The following ZDHHC14 variants were observed in gnomAD, a reference collection of about 807,000 sequenced individuals.
ZDHHC14 encodes zDHHC palmitoyltransferase 14.
A neutral mutation model predicts 47.7 loss-of-function variants in ZDHHC14; 16 were observed. The ratio of observed to expected loss-of-function variants is 0.34; its 90% CI spans 0.23 to 0.51. The LOEUF (loss-of-function observed/expected upper bound fraction) is 0.51. ZDHHC14 is among the 20% of genes least tolerant of loss of function. The pLI, the probability that ZDHHC14 is intolerant of heterozygous loss-of-function variation, is 0.97. For missense variants in ZDHHC14, 515 were observed against 662.5 expected, an observed-to-expected ratio of 0.78 and a Z score of 2.44; for synonymous variants, 293 against 278.9, an observed-to-expected ratio of 1.05 and a Z score of -0.50.
chr6:157,652,613 C>T (rs1273309166), intron 7 of ZDHHC14, among the ~76,000 whole-genome samples: 1 of 152,216 alleles, frequency 6.6e-6, no homozygotes, highest in Non-Finnish European at 1.5e-5. Context: ...GAAACAGATG[C>T]CTTTGGAAGC....
At chr6:157,653,735 GC>G in intron 8 of ZDHHC14, 108 bp downstream of exon 8, 1 of 957,324 alleles carries the variant, frequency 1.0e-6, no homozygotes, top group Non-Finnish European at 1.6e-6. Flanking sequence ...AGCGGGGGCA[GC>G]CCACAGCCGC....
chr6:157,657,463 T>A (rs619301), intron 8 of ZDHHC14, among the ~76,000 whole-genome samples: 52,429 of 151,948 alleles, frequency 0.35, 9,240 homozygotes, highest in Non-Finnish European at 0.39. Context: ...TGGGAGCTGT[T>A]CGGTACAAAA....
intron 1 of ZDHHC14, among the ~76,000 whole-genome samples, chr6:157,511,385 C>CTTT: frequency 6.9e-6 from 1 of 145,586 alleles, no homozygotes; most frequent in Admixed American, 6.9e-5. Context: ...CATGAGGAAA[C>CTTT]TTTTTTTTTT....
Position 157,447,028 on chromosome 6 carries a change from AGAATCGCTT to A in ZDHHC14, c.245+64766_245+64774del. 2.0e-5 allele frequency among the ~76,000 whole-genome samples: 3 copies of A among 152,198 alleles called. No individual in the cohort carries two copies. In the South Asian group the frequency reaches 6.2e-4, roughly 32 times the overall value. ...CAGCTAGTTGGGAGGTTGAGGCAGG[AGAATCGCTT>A]GAACCCGGGACGTGGAGGTTGCAGT... On this transcript the variant is annotated intron_variant, in intron 1 of 8. Transcript: ENST00000359775.
rs998899709 is a variant in ZDHHC14, at chr6:157,674,752, G to A, written c.*1630G>A. ...AAAGAAAAGCACACAAGTTTTATTTGGAATGAAGGCAATTCACAGGTCACA... is the reference window on the plus strand; with the variant it reads ...AAAGAAAAGCACACAAGTTTTATTTAGAATGAAGGCAATTCACAGGTCACA... On this transcript the variant is annotated 3_prime_UTR_variant, in exon 9 of 9. Coordinates refer to ENST00000359775, the MANE Select transcript of ZDHHC14 (RefSeq NM_024630.3). The A allele has an allele frequency of 1.3e-5, 2 of 152,208 alleles. No individual in the cohort carries two copies. Among genetic ancestry groups the A allele is most frequent in the African/African-American group, 4.8e-5 (2 of 41,448 alleles). The allele number at this position is 152,208 out of a possible 1,614,324, so 9.4% of individuals were successfully genotyped here.
At chr6:157,482,821 CA>C (rs1779667749) in intron 1 of ZDHHC14, among the ~76,000 whole-genome samples, 1 of 151,406 alleles carries the variant, frequency 6.6e-6, no homozygotes, top group Admixed American at 6.6e-5. Flanking sequence ...CAGCTCACTG[CA>C]ACCTCTGCCT....
chr6:157,600,351 A>G (rs937891463), intron 3 of ZDHHC14, among the ~76,000 whole-genome samples: 4 of 152,218 alleles, frequency 2.6e-5, no homozygotes, highest in Admixed American at 6.5e-5. Flanking sequence ...TAGTATATCA[A>G]TAGGTCAAAA....
At chr6:157,421,939 T>G (rs1236393266) in intron 1 of ZDHHC14, among the ~76,000 whole-genome samples, 1 of 152,208 alleles carries the variant, frequency 6.6e-6, no homozygotes, top group Non-Finnish European at 1.5e-5. Flanking sequence ...TTATTTCATC[T>G]GAAGATGCAT....
chr6:157,616,124 G>T (rs903272999), intron 3 of ZDHHC14, among the ~76,000 whole-genome samples: 1 of 152,180 alleles, frequency 6.6e-6, no homozygotes, highest in African/African-American at 2.4e-5. Flanking sequence ...GGCCCTGTTG[G>T]CAACAGTGTG....
chr6:157,460,893 T>A (rs567218447), intron 1 of ZDHHC14, among the ~76,000 whole-genome samples: 7 of 152,278 alleles, frequency 4.6e-5, no homozygotes, highest in African/African-American at 1.7e-4. Flanking sequence ...GTTGTGTTTC[T>A]CCCTGCTAGC....
At chr6:157,667,280 G>A (rs541040818) in intron 8 of ZDHHC14, among the ~76,000 whole-genome samples, 4 of 152,082 alleles carry the variant, frequency 2.6e-5, no homozygotes, top group South Asian at 2.1e-4. Context: ...CATAACCAAC[G>A]GCTTCTTGGT....
intron 7 of ZDHHC14, among the ~76,000 whole-genome samples, chr6:157,651,341 TCTTC>T (rs1243109573): frequency 6.6e-6 from 1 of 152,212 alleles, no homozygotes. Flanking sequence ...CCCATGGTGT[TCTTC>T]CTGTGTGTCT....
intron 1 of ZDHHC14, among the ~76,000 whole-genome samples, chr6:157,383,312 T>C (rs1777251125): frequency 6.6e-6 from 1 of 152,180 alleles, no homozygotes; most frequent in African/African-American, 2.4e-5. Context: ...AAGCAATATA[T>C]TTATAGGGAG....
chr6:157,506,014 C>T (rs1314932877), intron 1 of ZDHHC14, among the ~76,000 whole-genome samples: 1 of 151,834 alleles, frequency 6.6e-6, no homozygotes, highest in East Asian at 1.9e-4. Context: ...TGCTTGGTAA[C>T]TTGCACCTCT....
At chr6:157,422,433 T>G (rs1311059170) in intron 1 of ZDHHC14, among the ~76,000 whole-genome samples, 1 of 152,154 alleles carries the variant, frequency 6.6e-6, no homozygotes, top group Non-Finnish European at 1.5e-5. Context: ...ATCCCAGATT[T>G]AAAGGAATAG....
At chr6:157,623,877 C>T (rs1785296282) in intron 3 of ZDHHC14, among the ~76,000 whole-genome samples, 1 of 152,160 alleles carries the variant, frequency 6.6e-6, no homozygotes, top group Non-Finnish European at 1.5e-5. Context: ...AAGGAATCCT[C>T]CAGTGATACT....
chr6:157,654,959 T>C (rs1246976883), intron 8 of ZDHHC14, among the ~76,000 whole-genome samples: 1 of 152,168 alleles, frequency 6.6e-6, no homozygotes. Flanking sequence ...GGTCTCGAAC[T>C]CCTGACCTCA....
chr6:157,518,477 C>T (rs1169040023), intron 1 of ZDHHC14, among the ~76,000 whole-genome samples: 3 of 152,032 alleles, frequency 2.0e-5, no homozygotes, highest in Admixed American at 1.3e-4. Context: ...GGAATAAAGG[C>T]CTGACAAGCT....
In ZDHHC14 at chr6:157,447,330, G is replaced by A. The variant is rs1357015346; in HGVS notation, c.245+65064G>A. On this transcript the variant is annotated intron_variant, in intron 1 of 8. Coordinates refer to ENST00000359775, the MANE Select transcript of ZDHHC14 (RefSeq NM_024630.3). ...TGAGGCGTCCAAGGGTCAAGTGGGG[G>A]CACCTCCTACTTTCTATGGGCCATG... Among the ~76,000 whole-genome samples the A allele has an allele frequency of 4.6e-5, 7 of 152,188 alleles. No individual in the cohort carries two copies. The South Asian group carries it at 1.5e-3, about 32-fold the overall frequency.
Sources: gnomAD v4.1 joint callset for allele counts (sites outside exome capture counted in the v4.1 genomes callset) on GRCh38, gnomAD v4.1.1 for gene constraint, MANE v1.5 for transcripts, NCBI Gene and HGNC (gene_info 2026-07-23, HGNC 2026-07-21) for gene names.